The following LINGO2 variants were observed in gnomAD, a reference collection of about 807,000 sequenced individuals.
The protein encoded by LINGO2 is leucine rich repeat and Ig domain containing 2.
Under a neutral mutation model 30.6 loss-of-function variants are expected in LINGO2, and 14 were observed. That is an observed-to-expected ratio of 0.46 (90% CI 0.30 to 0.72). LINGO2 has a LOEUF of 0.72. LINGO2 is among the 30% of genes least tolerant of loss of function. The pLI is 0.07. For missense variants in LINGO2, 729 were observed against 751.7 expected (o/e 0.97, Z 0.35); for synonymous variants, 317 against 288.5 (o/e 1.10, Z -1.00).
chr9:28,813,498 A>G, the LINGO2 span, among the ~76,000 whole-genome samples: 1 of 152,128 alleles, frequency 6.6e-6, no homozygotes, highest in Non-Finnish European at 1.5e-5. Flanking sequence ...CAAAACTGCA[A>G]ATAACGAGAG....
Position 28,595,165 on chromosome 9 carries a change from G to T in LINGO2, c.-365+75035C>A, listed in dbSNP as rs560189093. ...TTCATATCTATCACTTAAGATAGGT[G>T]AGAAAAAACCCCTTTCAATGATATA... On this transcript the variant is annotated intron_variant, in intron 1 of 5. Coordinates refer to ENST00000379992, the Ensembl canonical transcript of LINGO2. Among the ~76,000 whole-genome samples, 3 of 152,140 alleles carry T rather than the reference G, an allele frequency of 2.0e-5. No individual in the cohort carries two copies. The East Asian group carries it at 5.8e-4, about 29-fold the overall frequency.
the LINGO2 span, among the ~76,000 whole-genome samples, chr9:28,758,174 T>C: frequency 1.3e-5 from 2 of 152,070 alleles, no homozygotes; most frequent in African/African-American, 4.8e-5. Context: ...TACCTGTTCA[T>C]TACTTGTCCC....
At chr9:27,983,207 T>G (rs1239331405) in intron 5 of LINGO2, among the ~76,000 whole-genome samples, 1 of 151,936 alleles carries the variant, frequency 6.6e-6, no homozygotes, top group Non-Finnish European at 1.5e-5. Context: ...GCATGCATCT[T>G]AGAAGCTCTA....
intron 5 of LINGO2, among the ~76,000 whole-genome samples, chr9:27,992,517 ATAGT>A (rs1821447710): frequency 6.6e-6 from 1 of 152,152 alleles, no homozygotes; most frequent in Admixed American, 6.6e-5. Context: ...AAAAATTAAA[ATAGT>A]TATGTAATGC....
At chr9:28,234,373 G>A (rs1469292053) in intron 4 of LINGO2, among the ~76,000 whole-genome samples, 3 of 152,174 alleles carry the variant, frequency 2.0e-5, no homozygotes, top group Non-Finnish European at 2.9e-5. Context: ...AAGGAAGGGT[G>A]TGAAAAACTC....
At chr9:28,503,509 G>C (rs111962866) in intron 1 of LINGO2, among the ~76,000 whole-genome samples, 1 of 151,738 alleles carries the variant, frequency 6.6e-6, no homozygotes, top group Non-Finnish European at 1.5e-5. Flanking sequence ...AAATCAAAAG[G>C]CTTCTTTTAT....
the LINGO2 span, among the ~76,000 whole-genome samples, chr9:29,081,658 T>G: frequency 7.2e-5 from 11 of 152,072 alleles, no homozygotes; most frequent in South Asian, 2.1e-4. Context: ...GTTTGCAGAT[T>G]ACATGATTCT....
chr9:28,101,654 C>T (rs945752812), intron 4 of LINGO2, among the ~76,000 whole-genome samples: 17 of 152,214 alleles, frequency 1.1e-4, no homozygotes, highest in East Asian at 1.9e-4. Flanking sequence ...AGAATGCCCA[C>T]GGACAAGGGA....
At chr9:29,007,136 T>C in the LINGO2 span, among the ~76,000 whole-genome samples, 1 of 152,132 alleles carries the variant, frequency 6.6e-6, no homozygotes, top group Non-Finnish European at 1.5e-5. Context: ...TTTAAAATAC[T>C]TTATCAAAGG....
chr9:28,688,256 C>G, the LINGO2 span, among the ~76,000 whole-genome samples: 1 of 152,068 alleles, frequency 6.6e-6, no homozygotes, highest in Non-Finnish European at 1.5e-5. Flanking sequence ...TCATTAGTCC[C>G]TTAAATAGCA....
chr9:29,131,282 G>C, the LINGO2 span, among the ~76,000 whole-genome samples: 3 of 151,972 alleles, frequency 2.0e-5, no homozygotes, highest in African/African-American at 7.3e-5. Flanking sequence ...TGTGTATACC[G>C]GGACCATGCA....
chr9:28,942,209 G>A, the LINGO2 span, among the ~76,000 whole-genome samples: 2 of 152,168 alleles, frequency 1.3e-5, no homozygotes, highest in African/African-American at 4.8e-5. Flanking sequence ...ACTCTTTTAG[G>A]AAAGACTGTA....
chr9:28,684,175 C>CTTTTTTTT, the LINGO2 span, among the ~76,000 whole-genome samples: 567 of 45,454 alleles, frequency 0.012, 72 homozygotes, highest in Non-Finnish European at 0.016. Flanking sequence ...AAATGTTTAT[C>CTTTTTTTT]TTTTTTTTTT....
At chr9:28,248,426 A>G (rs1278669235) in intron 4 of LINGO2, among the ~76,000 whole-genome samples, 1 of 152,160 alleles carries the variant, frequency 6.6e-6, no homozygotes, top group Non-Finnish European at 1.5e-5. Context: ...ACTCATGGAC[A>G]TAGAGAAGAG....
At chr9:28,861,547 C>T in the LINGO2 span, among the ~76,000 whole-genome samples, 1 of 150,162 alleles carries the variant, frequency 6.7e-6, no homozygotes, top group African/African-American at 2.4e-5. Context: ...TGCACTCAAG[C>T]ATGAGTATCT....
the LINGO2 span, among the ~76,000 whole-genome samples, chr9:29,190,766 A>T: frequency 6.6e-6 from 1 of 152,224 alleles, no homozygotes; most frequent in Non-Finnish European, 1.5e-5. Context: ...TGAAAAAATA[A>T]GACAATTTTA....
the LINGO2 span, among the ~76,000 whole-genome samples, chr9:29,047,457 A>T: frequency 6.6e-6 from 1 of 152,128 alleles, no homozygotes; most frequent in Non-Finnish European, 1.5e-5. Flanking sequence ...AAATTAGTTC[A>T]ACCGTTGTGA....
chr9:28,886,873 A>T, the LINGO2 span, among the ~76,000 whole-genome samples: 1 of 152,286 alleles, frequency 6.6e-6, no homozygotes, highest in East Asian at 1.9e-4. Flanking sequence ...ACAGAACATT[A>T]AATGAGAGAG....
chr9:27,950,040 A>G (rs1823567559), exon 6 of LINGO2: 1 of 1,613,958 alleles, frequency 6.2e-7, no homozygotes, highest in Non-Finnish European at 8.5e-7. Context: ...GTTGATATTG[A>G]GATGCTTCAG....
Sources: allele counts gnomAD v4.1 joint callset (sites outside exome capture counted in the v4.1 genomes callset), GRCh38; gene constraint gnomAD v4.1.1; transcripts MANE v1.5; gene names NCBI Gene and HGNC (gene_info 2026-07-23, HGNC 2026-07-21).